CCDC91: variants seen among roughly 807,000 people sequenced by gnomAD.
The protein encoded by CCDC91 is coiled-coil domain containing 91.
A neutral mutation model predicts 63.2 loss-of-function variants in CCDC91; 48 were observed. The observed-to-expected ratio is 0.76, with a 90% CI of 0.60 to 0.97. The LOEUF (loss-of-function observed/expected upper bound fraction) is 0.97. CCDC91 is among the 50% of genes least tolerant of loss of function. The pLI is 0.00. For missense variants in CCDC91, 500 were observed against 494.6 expected, an observed-to-expected ratio of 1.01 and a Z score of -0.10; for synonymous variants, 167 against 165.8, an observed-to-expected ratio of 1.01 and a Z score of -0.06.
At chr12:28,451,653 A>G (rs1253006525) in intron 10 of CCDC91, among the ~76,000 whole-genome samples, 1 of 151,738 alleles carries the variant, frequency 6.6e-6, no homozygotes, top group Non-Finnish European at 1.5e-5. Context: ...TATTTTTCAC[A>G]TAAAAATGTT....
At chr12:28,247,276 T>C (rs1945801937) in intron 1 of CCDC91, among the ~76,000 whole-genome samples, 1 of 151,912 alleles carries the variant, frequency 6.6e-6, no homozygotes, top group African/African-American at 2.4e-5. Flanking sequence ...GTCAGGAGAT[T>C]GAGACCATCC....
At position 28,486,984 on chromosome 12, in the gene CCDC91, C is replaced by G. The variant is rs143041518; in HGVS notation, c.1215+2819C>G. Among the ~76,000 whole-genome samples the G allele has an allele frequency of 4.0e-3, 603 of 151,968 alleles. 7 individuals carry two copies. Among genetic ancestry groups the G allele is most frequent in the African/African-American group, 0.014 (583 of 41,476 alleles). ...CTCAATAAATATGTGTTATGCTTAT[C>G]ATCTTTACCACATTATTTACAGAAA... On this transcript the variant is annotated intron_variant, in intron 12 of 12. Transcript: ENST00000536442.
chr12:28,375,480 G>A (rs747454172), intron 7 of CCDC91, among the ~76,000 whole-genome samples: 2 of 151,706 alleles, frequency 1.3e-5, no homozygotes, highest in Non-Finnish European at 2.9e-5. Flanking sequence ...GCATTCTTTC[G>A]TTAACTTTGA....
At chr12:28,326,773 G>A (rs1210470643) in intron 6 of CCDC91, among the ~76,000 whole-genome samples, 6 of 151,786 alleles carry the variant, frequency 4.0e-5, no homozygotes, top group African/African-American at 7.3e-5. Context: ...AAATGAAACC[G>A]GCTTTATTGT....
At chr12:28,370,965 G>A (rs1428705032) in intron 7 of CCDC91, among the ~76,000 whole-genome samples, 1 of 152,100 alleles carries the variant, frequency 6.6e-6, no homozygotes, top group Non-Finnish European at 1.5e-5. Flanking sequence ...CCCCTGACAT[G>A]TGGGAATTAT....
At chr12:28,205,830 T>A (rs1942804429) in intron 1 of CCDC91, among the ~76,000 whole-genome samples, 1 of 152,210 alleles carries the variant, frequency 6.6e-6, no homozygotes, top group African/African-American at 2.4e-5. Flanking sequence ...AAGACTCAAA[T>A]ATACAAGTAT....
At position 28,381,193 on chromosome 12, in the gene CCDC91, T is replaced by C. The variant is rs78355904; in HGVS notation, c.655-10111T>C. Among the ~76,000 whole-genome samples, 1,402 of 152,180 alleles carry C rather than the reference T, an allele frequency of 9.2e-3. 27 individuals are homozygous for C. The highest frequency in any genetic ancestry group is 0.032 in the African/African-American group (1,333 of 41,548). On this transcript the variant is annotated intron_variant, in intron 7 of 12. Coordinates refer to ENST00000536442, the MANE Select transcript of CCDC91 (RefSeq NM_018318.5). Reference sequence around the variant, plus strand: ...AAAAGAAAAGCAGAGATGTAATAATTAATGTGAGAGAGAATAGCATTTTAA... The same window carrying C: ...AAAAGAAAAGCAGAGATGTAATAATCAATGTGAGAGAGAATAGCATTTTAA...
intron 8 of CCDC91, among the ~76,000 whole-genome samples, chr12:28,442,556 TG>T (rs1173260670): frequency 1.3e-5 from 2 of 152,134 alleles, no homozygotes; most frequent in African/African-American, 4.8e-5. Context: ...AAAAGATTTG[TG>T]AAGTCTGAAA....
intron 6 of CCDC91, among the ~76,000 whole-genome samples, chr12:28,344,965 C>A (rs11049545): frequency 0.21 from 31,201 of 151,978 alleles, 4,095 homozygotes; most frequent in Non-Finnish European, 0.3. Flanking sequence ...TGGTGTCAGC[C>A]ACCTCATCAT....
intron 8 of CCDC91, among the ~76,000 whole-genome samples, chr12:28,439,428 A>G (rs1949067933): frequency 6.6e-6 from 1 of 152,168 alleles, no homozygotes; most frequent in Non-Finnish European, 1.5e-5. Flanking sequence ...TGTGTTTAAG[A>G]CAATCTTACC....
At chr12:28,402,093 A>T (rs577113615) in intron 8 of CCDC91, among the ~76,000 whole-genome samples, 1 of 152,194 alleles carries the variant, frequency 6.6e-6, no homozygotes, top group South Asian at 2.1e-4. Flanking sequence ...GGCATTATTG[A>T]CATTAGGGGT....
intron 6 of CCDC91, among the ~76,000 whole-genome samples, chr12:28,325,085 G>A (rs964810069): frequency 6.6e-6 from 1 of 151,860 alleles, no homozygotes; most frequent in African/African-American, 2.4e-5. Flanking sequence ...AAAAACAATT[G>A]CATCCAGTTG....
chr12:28,316,835 A>G (rs955300704), intron 6 of CCDC91, among the ~76,000 whole-genome samples: 2 of 150,688 alleles, frequency 1.3e-5, no homozygotes, highest in African/African-American at 4.9e-5. Context: ...TTTTATCTTG[A>G]CCCTCTCTTT....
intron 12 of CCDC91, among the ~76,000 whole-genome samples, chr12:28,511,746 C>T (rs1411689218): frequency 1.3e-5 from 2 of 151,862 alleles, no homozygotes; most frequent in Admixed American, 6.6e-5. Flanking sequence ...TGTGTCTGCG[C>T]ACTCATATGT....
At chr12:28,267,026 A>G (rs1396503044) in intron 3 of CCDC91, among the ~76,000 whole-genome samples, 1 of 152,040 alleles carries the variant, frequency 6.6e-6, no homozygotes, top group Middle Eastern at 3.4e-3. Flanking sequence ...GGCCTCAGAA[A>G]AGATACTTTT....
chr12:28,448,069 A>G (rs756509862), intron 8 of CCDC91, among the ~76,000 whole-genome samples: 6 of 152,116 alleles, frequency 3.9e-5, no homozygotes, highest in South Asian at 2.1e-4. Flanking sequence ...TAATTACTAT[A>G]GGTAATAATG....
chr12:28,476,119 A>G (rs1951073809), intron 11 of CCDC91, among the ~76,000 whole-genome samples: 2 of 152,142 alleles, frequency 1.3e-5, no homozygotes, highest in South Asian at 4.1e-4. Context: ...GGAATTTTGG[A>G]CAATCTAAAA....
Position 28,362,532 on chromosome 12 carries a change from G to T in CCDC91, c.654+17G>T. ...GAATATAAGGTAGAGGTTTGAGAGT[G>T]TTTACTTTTTTAAACCTTGGATAAC... On this transcript the variant is annotated intron_variant, in intron 7 of 12. Transcript: ENST00000536442. 1 of 1,527,088 alleles carries T rather than the reference G, an allele frequency of 6.5e-7. No individual in the cohort carries two copies. The highest frequency in any genetic ancestry group is 8.8e-7 in the Non-Finnish European group (1 of 1,130,866). The allele number at this position is 1,527,088 out of a possible 1,614,324, so 94.6% of individuals were successfully genotyped here.
At chr12:28,314,750 TTTTA>T (rs1171099857) in intron 6 of CCDC91, among the ~76,000 whole-genome samples, 4 of 152,008 alleles carry the variant, frequency 2.6e-5, no homozygotes, top group African/African-American at 4.8e-5. Context: ...GGATTTTATA[TTTTA>T]GTTGGTCTTA....
Sources: allele counts gnomAD v4.1 joint callset (sites outside exome capture counted in the v4.1 genomes callset), GRCh38; gene constraint gnomAD v4.1.1; transcripts MANE v1.5; gene names NCBI Gene and HGNC (gene_info 2026-07-23, HGNC 2026-07-21).